DAPK1: variants seen among roughly 807,000 people sequenced by gnomAD.
DAPK1 encodes the protein death associated protein kinase 1, also known as death-associated protein kinase 1.
DAPK1 carries 56 observed loss-of-function variants against 144.9 expected under a neutral mutation model. The ratio of observed to expected loss-of-function variants is 0.39; its 90% CI spans 0.31 to 0.48. The LOEUF is 0.48. Among genes scored for constraint, DAPK1 ranks in the 20% least tolerant of loss-of-function variants. DAPK1 has a pLI of 0.95. For missense variants in DAPK1, 1,454 were observed against 1,875.4 expected, an observed-to-expected ratio of 0.78 and a Z score of 4.15; for synonymous variants, 690 against 749.0, an observed-to-expected ratio of 0.92 and a Z score of 1.29.
intron 3 of DAPK1, among the ~76,000 whole-genome samples, chr9:87,610,329 T>C (rs527941599): frequency 6.6e-6 from 1 of 152,366 alleles, no homozygotes; most frequent in South Asian, 2.1e-4. Flanking sequence ...CAAAATTTCT[T>C]CTTACTGTGT....
intron 24 of DAPK1, among the ~76,000 whole-genome samples, chr9:87,702,765 C>CA (rs1398393647): frequency 6.6e-6 from 1 of 152,072 alleles, no homozygotes; most frequent in African/African-American, 2.4e-5. Context: ...ACTAGCCAGA[C>CA]ACAGTGGTGT....
intron 2 of DAPK1, 52 bp downstream of exon 2, chr9:87,499,191 A>T (rs778006633): frequency 6.8e-7 from 1 of 1,467,838 alleles, no homozygotes; most frequent in Non-Finnish European, 9.5e-7. Flanking sequence ...ATGCATAACG[A>T]TGGGGCCATT....
chr9:87,546,578 G>A (rs1291539583), intron 2 of DAPK1, among the ~76,000 whole-genome samples: 1 of 152,164 alleles, frequency 6.6e-6, no homozygotes, highest in African/African-American at 2.4e-5. Context: ...TGCCTCCAGG[G>A]TCAACAAGGC....
Position 87,499,064 on chromosome 9 carries a change from C to T in DAPK1, c.-14C>T. On this transcript the variant is annotated 5_prime_UTR_variant, in exon 2 of 26. Transcript: ENST00000408954. Reference sequence around the variant, plus strand: ...TGAAGTGCCCTGGGCTTTGGTGAGGCGTGACAGTTTATCATGACCGTGTTC... The same window carrying T: ...TGAAGTGCCCTGGGCTTTGGTGAGGTGTGACAGTTTATCATGACCGTGTTC... 1 of 1,613,450 alleles carries T rather than the reference C, an allele frequency of 6.2e-7. No homozygotes were observed. The highest frequency in any genetic ancestry group is 8.5e-7 in the Non-Finnish European group (1 of 1,179,626).
At chr9:87,650,222 C>T in intron 16 of DAPK1, 104 bp downstream of exon 16, 1 of 1,129,794 alleles carries the variant, frequency 8.9e-7, no homozygotes. Flanking sequence ...AACTTGAATG[C>T]AGCAAACTGT....
intron 3 of DAPK1, among the ~76,000 whole-genome samples, chr9:87,626,437 CAAA>C (rs1383626704): frequency 8.8e-6 from 1 of 113,292 alleles, no homozygotes; most frequent in Non-Finnish European, 1.8e-5. Flanking sequence ...AACAAACAAA[CAAA>C]AAACAACAAC....
chr9:87,651,447 G>A (rs1462879799), intron 16 of DAPK1, 80 bp from the exon 17 acceptor site: 29 of 1,399,522 alleles, frequency 2.1e-5, no homozygotes, highest in East Asian at 4.6e-5. Flanking sequence ...AACCTCACTC[G>A]ATGGCGGCAG....
intron 2 of DAPK1, among the ~76,000 whole-genome samples, chr9:87,524,757 G>C (rs1346240568): frequency 6.6e-6 from 1 of 152,186 alleles, no homozygotes; most frequent in Non-Finnish European, 1.5e-5. Flanking sequence ...GATGAGATTG[G>C]AGACAATGAT....
intron 2 of DAPK1, among the ~76,000 whole-genome samples, chr9:87,576,027 T>C (rs1014031831): frequency 6.6e-6 from 1 of 152,222 alleles, no homozygotes; most frequent in Non-Finnish European, 1.5e-5. Context: ...CGTGGTTCAA[T>C]GTTTTGCTTT....
chr9:87,501,896 C>T (rs1824416166), intron 2 of DAPK1, among the ~76,000 whole-genome samples: 1 of 152,136 alleles, frequency 6.6e-6, no homozygotes, highest in African/African-American at 2.4e-5. Context: ...CTGCAACTTG[C>T]CAGTTTTCTT....
intron 14 of DAPK1, 59 bp from the exon 15 acceptor site, chr9:87,648,722 G>A: frequency 6.8e-7 from 1 of 1,474,148 alleles, no homozygotes; most frequent in South Asian, 1.1e-5. Flanking sequence ...CTTGGGTTCT[G>A]GTCTCCATAG....
intron 2 of DAPK1, among the ~76,000 whole-genome samples, chr9:87,562,393 T>A (rs1826962494): frequency 6.6e-6 from 1 of 152,172 alleles, no homozygotes; most frequent in African/African-American, 2.4e-5. Context: ...AGGAAGAGGC[T>A]GTCACAAATT....
In DAPK1 at chr9:87,707,280, G is replaced by A. The variant is rs1441185961; in HGVS notation, c.4209G>A (p.Leu1403=). 3.1e-6 allele frequency: 5 copies of A among 1,613,976 alleles called. No homozygotes were observed. Among genetic ancestry groups the A allele is most frequent in the Non-Finnish European group, 4.2e-6 (5 of 1,179,938 alleles). Residue 1403 remains leucine, a synonymous_variant, in exon 26 of 26, where the codon CTG becomes CTA. Transcript: ENST00000408954. The surrounding 1 kb of genome is among the most constrained non-coding windows in gnomAD (Gnocchi z 4.0). ...CATCCTCTGTGTTCAAAATCAACCTGGATGGCAATGGCCAGGAGGCCTATG... is the reference window on the plus strand; with the variant it reads ...CATCCTCTGTGTTCAAAATCAACCTAGATGGCAATGGCCAGGAGGCCTATG... The part of the protein sequence containing the change: ...LKASSVFKIN[L]DGNGQEAYAS...
intron 23 of DAPK1, 30 bp from the exon 24 acceptor site, chr9:87,700,087 C>T (rs763066333): frequency 6.2e-7 from 1 of 1,602,022 alleles, no homozygotes; most frequent in South Asian, 1.1e-5. Flanking sequence ...CATTGACTCA[C>T]TGCTGAGGAG....
At chr9:87,667,278 G>A (rs1326619150) in intron 18 of DAPK1, among the ~76,000 whole-genome samples, 1 of 152,142 alleles carries the variant, frequency 6.6e-6, no homozygotes, top group Non-Finnish European at 1.5e-5. Flanking sequence ...ACAGAGAGAC[G>A]GGCAGTTCTG....
chr9:87,507,893 C>A (rs1420702397), intron 2 of DAPK1, among the ~76,000 whole-genome samples: 1 of 152,168 alleles, frequency 6.6e-6, no homozygotes, highest in Non-Finnish European at 1.5e-5. Context: ...ATGAATGAGG[C>A]TGGCTGGCAA....
chr9:87,549,669 C>T (rs1018490918), intron 2 of DAPK1, among the ~76,000 whole-genome samples: 4 of 152,210 alleles, frequency 2.6e-5, no homozygotes, highest in Non-Finnish European at 4.4e-5. Flanking sequence ...AATGTCCCCT[C>T]GCCCCTCCTT....
intron 2 of DAPK1, among the ~76,000 whole-genome samples, chr9:87,551,916 C>T (rs893884136): frequency 2.6e-5 from 4 of 152,200 alleles, no homozygotes; most frequent in Admixed American, 1.3e-4. Context: ...ATGTGAGTCT[C>T]AGATGCCTCC....
At chr9:87,682,150 G>A (rs531279360) in intron 20 of DAPK1, among the ~76,000 whole-genome samples, 29 of 152,276 alleles carry the variant, frequency 1.9e-4, no homozygotes, top group African/African-American at 7.0e-4. Flanking sequence ...TCAGTTCAAG[G>A]TTGGATAGAG....
Sources: gnomAD v4.1 joint callset for allele counts (sites outside exome capture counted in the v4.1 genomes callset) on GRCh38, gnomAD v4.1.1 for gene constraint, Gnocchi (gnomAD v3.1) non-coding constraint, MANE v1.5 for transcripts, NCBI Gene and HGNC (gene_info 2026-07-23, HGNC 2026-07-21) for gene names.